AKAP13: variants seen among roughly 807,000 people sequenced by gnomAD.
The protein encoded by AKAP13 is A-kinase anchoring protein 13.
A neutral mutation model predicts 264.5 loss-of-function variants in AKAP13; 80 were observed. The observed-to-expected ratio is 0.30, with a 90% CI of 0.25 to 0.36. The LOEUF (loss-of-function observed/expected upper bound fraction) is 0.36. AKAP13 is among the 10% of genes least tolerant of loss of function. AKAP13 has a pLI of 1.00. For missense variants in AKAP13, 3,712 were observed against 3,435.2 expected (o/e 1.08, Z -2.01); for synonymous variants, 1,380 against 1,250.2 (o/e 1.10, Z -2.19).
chr15:85,709,870 T>C (rs28587397), intron 18 of AKAP13, among the ~76,000 whole-genome samples: 2,633 of 151,982 alleles, frequency 0.017, 73 homozygotes, highest in African/African-American at 0.056. Context: ...ATATTTTTAG[T>C]TGAGACAGGG....
At position 85,580,731 on chromosome 15, in the gene AKAP13, G is replaced by GATATTCA; in HGVS notation, c.2663_2664insATATTCA (p.Asn889TyrfsTer5). On this transcript the variant is annotated frameshift_variant, in exon 7 of 37. Coordinates refer to ENST00000394518, the MANE Select transcript of AKAP13 (RefSeq NM_007200.5). LOFTEE classifies it high-confidence loss of function. Reference sequence around the variant, plus strand: ...ATCCCAGAAGCTCTGAATATCAAGGGGAACACTGACTCTTCCCTGCAAAGT... The same window carrying GATATTCA: ...ATCCCAGAAGCTCTGAATATCAAGGGATATTCAGAACACTGACTCTTCCCTGCAAAGT... 6.2e-7 allele frequency: 1 copy of GATATTCA among 1,614,146 alleles called. No homozygotes were observed. Among genetic ancestry groups the GATATTCA allele is most frequent in the Non-Finnish European group, 8.5e-7 (1 of 1,180,030 alleles).
chr15:85,592,933 T>G (rs2079645517), intron 8 of AKAP13, among the ~76,000 whole-genome samples: 1 of 152,246 alleles, frequency 6.6e-6, no homozygotes, highest in African/African-American at 2.4e-5. Flanking sequence ...AAGCAAGTTA[T>G]TTAATTTCTC....
At chr15:85,619,927 A>T in intron 8 of AKAP13, 1 of 1,435,962 alleles carries the variant, frequency 7.0e-7, no homozygotes, top group Non-Finnish European at 9.1e-7. Context: ...TTTTTAATTC[A>T]TTGTTTTTGA....
At chr15:85,713,253 A>T (rs1365669314) in intron 19 of AKAP13, among the ~76,000 whole-genome samples, 7 of 152,260 alleles carry the variant, frequency 4.6e-5, no homozygotes, top group Non-Finnish European at 8.8e-5. Context: ...AGCTCTGCCT[A>T]ACATCATTCT....
intron 8 of AKAP13, among the ~76,000 whole-genome samples, chr15:85,630,026 T>A (rs1227946792): frequency 6.6e-6 from 1 of 151,836 alleles, no homozygotes; most frequent in African/African-American, 2.4e-5. Context: ...AGTTGCCAAA[T>A]TCAGTAACTT....
In AKAP13 at chr15:85,534,120, C is replaced by G. The variant is rs1043255113; in HGVS notation, c.478+240C>G. On this transcript the variant is annotated intron_variant, in intron 4 of 36. Transcript: ENST00000394518. ...ATTACCCAAGGAGAGTGGCACGTCA[C>G]CTTCCTGTGGGTCTGGATTTCAGAT... 1.1e-5 allele frequency: 5 copies of G among 448,964 alleles called. No homozygotes were observed. In the East Asian group the frequency reaches 1.7e-4, roughly 15 times the overall value. 27.8% of individuals were successfully genotyped at this position (448,964 alleles called of 1,614,324 possible). A position where few individuals can be genotyped will look rare whatever the true frequency, so the allele number is the denominator to read the frequency against.
chr15:85,399,502 C>CAAAAAAA (rs71138392), intron 1 of AKAP13, among the ~76,000 whole-genome samples: 57 of 77,050 alleles, frequency 7.4e-4, no homozygotes, highest in African/African-American at 2.5e-3. Context: ...GACTCCGTCT[C>CAAAAAAA]AAAAAAAAAA....
intron 1 of AKAP13, among the ~76,000 whole-genome samples, chr15:85,433,081 T>G (rs954203737): frequency 2.6e-5 from 4 of 151,654 alleles, no homozygotes; most frequent in Non-Finnish European, 5.9e-5. Flanking sequence ...ATTTTCTCCT[T>G]TTTCCCCCCT....
At chr15:85,726,761 G>C (rs1567216286) in intron 27 of AKAP13, among the ~76,000 whole-genome samples, 1 of 152,192 alleles carries the variant, frequency 6.6e-6, no homozygotes, top group Non-Finnish European at 1.5e-5. Context: ...TCTCACATTT[G>C]AGCCCATAAA....
At chr15:85,412,916 G>A (rs958840861) in intron 1 of AKAP13, among the ~76,000 whole-genome samples, 32 of 152,168 alleles carry the variant, frequency 2.1e-4, no homozygotes, top group African/African-American at 6.3e-4. Flanking sequence ...ATCCTGCAAC[G>A]TATATATTAC....
intron 17 of AKAP13, among the ~76,000 whole-genome samples, chr15:85,699,444 CAA>C (rs34147153): frequency 2.0e-4 from 28 of 141,680 alleles, no homozygotes; most frequent in African/African-American, 5.6e-4. Flanking sequence ...AACTCTATCT[CAA>C]AAAAAAAAAA....
intron 1 of AKAP13, among the ~76,000 whole-genome samples, chr15:85,438,330 A>G (rs2073431413): frequency 6.8e-6 from 1 of 148,138 alleles, no homozygotes; most frequent in Non-Finnish European, 1.5e-5. Context: ...ATACAAACAA[A>G]TGGAAGAACA....
At chr15:85,438,956 A>C (rs537359732) in intron 1 of AKAP13, among the ~76,000 whole-genome samples, 463 of 145,178 alleles carry the variant, frequency 3.2e-3, no homozygotes, top group Non-Finnish European at 5.2e-3. Context: ...ACAAAAGCCA[A>C]AATTGACAAA....
Position 85,562,286 on chromosome 15 carries a change from C to T in AKAP13, c.663-12845C>T, listed in dbSNP as rs28593726. On this transcript the variant is annotated intron_variant, in intron 5 of 36. Transcript: ENST00000394518. ...GCATATTAAGAATATATATCTCGGC[C>T]GGGCGTGGTGGCTCACACCTGTAAT... Among the ~76,000 whole-genome samples, 797 of 151,940 alleles carry T rather than the reference C, an allele frequency of 5.2e-3. 6 individuals are homozygous for T. Among genetic ancestry groups the T allele is most frequent in the Admixed American group, 7.7e-3 (118 of 15,256 alleles).
chr15:85,744,493 G>T (rs11629690), intron 36 of AKAP13, 135 bp from the exon 37 acceptor site: 1 of 891,178 alleles, frequency 1.1e-6, no homozygotes, highest in East Asian at 2.4e-5. Flanking sequence ...CAGAAACCCC[G>T]GTGCGCAGAA....
At chr15:85,442,409 CAA>C (rs756585021) in intron 1 of AKAP13, among the ~76,000 whole-genome samples, 9,163 of 52,608 alleles carry the variant, frequency 0.17, 760 homozygotes, top group African/African-American at 0.29. Flanking sequence ...GATTCTGTCT[CAA>C]AAAAAAAAAA....
chr15:85,615,931 C>T lies in AKAP13; in HGVS notation c.4162-23443C>T, dbSNP rs141570432. ...TCCAGAGGGTCAAACTAGTATCTCC[C>T]AAGTTGCTCAGTGAGATAATGGCAC... On this transcript the variant is annotated intron_variant, in intron 8 of 36. Transcript: ENST00000394518. Among the ~76,000 whole-genome samples the T allele has an allele frequency of 6.6e-3, 999 of 152,210 alleles. 5 individuals are homozygous for T. Among genetic ancestry groups the T allele is most frequent in the Non-Finnish European group, 0.011 (755 of 68,024 alleles).
intron 1 of AKAP13, among the ~76,000 whole-genome samples, chr15:85,443,254 A>G (rs115399670): frequency 5.3e-5 from 8 of 151,504 alleles, no homozygotes; most frequent in African/African-American, 9.7e-5. Context: ...TCCTTTCTGT[A>G]TTGTGCTTTC....
intron 19 of AKAP13, among the ~76,000 whole-genome samples, chr15:85,711,982 G>A (rs183290872): frequency 6.6e-6 from 1 of 152,224 alleles, no homozygotes; most frequent in East Asian, 1.9e-4. Flanking sequence ...CCAGGTGTGC[G>A]CCGCTATGCC....
Sources: allele counts gnomAD v4.1 joint callset (sites outside exome capture counted in the v4.1 genomes callset), GRCh38; gene constraint gnomAD v4.1.1; transcripts MANE v1.5; gene names NCBI Gene and HGNC (gene_info 2026-07-23, HGNC 2026-07-21).